Variants in MTCL1 observed in about 807,000 individuals in gnomAD.
The protein encoded by MTCL1 is microtubule cross-linking factor 1.
MTCL1 carries 79 observed loss-of-function variants against 141.4 expected under a neutral mutation model. The observed-to-expected ratio is 0.56, with a 90% CI of 0.47 to 0.67. The LOEUF is 0.67. Among genes scored for constraint, MTCL1 ranks in the 30% least tolerant of loss-of-function variants. The pLI, the probability that MTCL1 is intolerant of heterozygous loss-of-function variation, is 0.00. For missense variants in MTCL1, 2,177 were observed against 2,113.9 expected (o/e 1.03, Z -0.59); for synonymous variants, 914 against 875.8 (o/e 1.04, Z -0.77).
intron 4 of MTCL1, among the ~76,000 whole-genome samples, chr18:8,771,984 A>G (rs1330311437): frequency 6.6e-6 from 1 of 152,360 alleles, no homozygotes; most frequent in Admixed American, 6.5e-5. Flanking sequence ...GGGCATGACT[A>G]ATGTACACGC....
chr18:8,762,861 G>A (rs1425856701), intron 4 of MTCL1, among the ~76,000 whole-genome samples: 2 of 152,198 alleles, frequency 1.3e-5, no homozygotes, highest in African/African-American at 2.4e-5. Flanking sequence ...ACGGGGAAAG[G>A]GGCGAGTGTG....
rs777997648 is a variant in MTCL1, at chr18:8,792,992, G to A, written c.1888-6G>A. Reference sequence around the variant, plus strand: ...ACTAAACCCCTTCCTTTATCCCACCGATCAGCTCAGGGGCCCCCCCGTTTT... The same window carrying A: ...ACTAAACCCCTTCCTTTATCCCACCAATCAGCTCAGGGGCCCCCCCGTTTT... On this transcript the variant is annotated splice_polypyrimidine_tract_variant and splice_region_variant and intron_variant, in intron 7 of 16. Transcript: ENST00000359865. 20 of 1,613,398 alleles carry A rather than the reference G, an allele frequency of 1.2e-5. No individual in the cohort carries two copies. Among genetic ancestry groups the A allele is most frequent in the East Asian group, 2.2e-5 (1 of 44,872 alleles).
intron 4 of MTCL1, among the ~76,000 whole-genome samples, chr18:8,771,548 T>A (rs1423413305): frequency 6.6e-6 from 1 of 152,214 alleles, no homozygotes; most frequent in African/African-American, 2.4e-5. Context: ...CTAAATTTTT[T>A]AAAAATTTAG....
upstream of MTCL1, among the ~76,000 whole-genome samples, chr18:8,716,569 A>ATTTTTTTTTT (rs138840096): frequency 9.6e-6 from 1 of 103,866 alleles, no homozygotes. Context: ...CTTTTTGTTC[A>ATTTTTTTTTT]TTTTTTTTTT....
exon 6 of MTCL1, chr18:8,784,444 C>T: frequency 6.5e-7 from 1 of 1,532,420 alleles, no homozygotes; most frequent in East Asian, 2.3e-5. Flanking sequence ...CCACGGAGCT[C>T]CTGAAGGCCC....
intron 10 of MTCL1, 120 bp from the exon 10 acceptor site, chr18:8,806,773 C>CCCAGCCA: frequency 1.1e-6 from 1 of 934,518 alleles, no homozygotes; most frequent in Non-Finnish European, 1.6e-6. Context: ...ACCCTGCACC[C>CCCAGCCA]ACTGCCAACA....
At chr18:8,706,039 C>T (rs2096057549) in exon 1 of MTCL1, 3 of 1,182,598 alleles carry the variant, frequency 2.5e-6, no homozygotes, top group Non-Finnish European at 3.1e-6. Flanking sequence ...CAAGGCTGCC[C>T]TGGGAAGCAG....
At chr18:8,777,484 A>G (rs1337465612) in intron 4 of MTCL1, among the ~76,000 whole-genome samples, 1 of 152,162 alleles carries the variant, frequency 6.6e-6, no homozygotes, top group Non-Finnish European at 1.5e-5. Context: ...CTGTTTCCCA[A>G]ACTTCCTGCC....
At chr18:8,738,732 G>C (rs1287839716) in intron 4 of MTCL1, among the ~76,000 whole-genome samples, 1 of 152,186 alleles carries the variant, frequency 6.6e-6, no homozygotes, top group Non-Finnish European at 1.5e-5. Flanking sequence ...TGCTTTGAGA[G>C]TGGATAGGGA....
chr18:8,767,821 A>T (rs146203166), intron 4 of MTCL1, among the ~76,000 whole-genome samples: 1 of 152,200 alleles, frequency 6.6e-6, no homozygotes, highest in Non-Finnish European at 1.5e-5. Flanking sequence ...ACAAAAACAT[A>T]AAGTCATCCA....
At chr18:8,785,367 A>T (rs1308486654) in intron 6 of MTCL1, among the ~76,000 whole-genome samples, 7 of 152,200 alleles carry the variant, frequency 4.6e-5, no homozygotes, top group Non-Finnish European at 1.0e-4. Context: ...CTGGAGGATC[A>T]GCCAAAGCGG....
intron 4 of MTCL1, among the ~76,000 whole-genome samples, chr18:8,735,075 G>A (rs2148884381): frequency 6.6e-6 from 1 of 152,290 alleles, no homozygotes; most frequent in East Asian, 1.9e-4. Flanking sequence ...CCCCAATTTA[G>A]CTAGGATATA....
At chr18:8,708,869 C>G (rs1305358482) in intron 1 of MTCL1, among the ~76,000 whole-genome samples, 2 of 152,182 alleles carry the variant, frequency 1.3e-5, no homozygotes, top group African/African-American at 4.8e-5. Flanking sequence ...AGGCCACCTC[C>G]CCACTGTTCC....
At chr18:8,824,702 G>C (rs746945965) in exon 15 of MTCL1, 206 of 1,608,904 alleles carry the variant, frequency 1.3e-4, no homozygotes, top group Non-Finnish European at 1.7e-4. Flanking sequence ...TTCCCAGGGC[G>C]GTGTCCGTGT....
At chr18:8,715,141 C>CA (rs1295551826), upstream of MTCL1, among the ~76,000 whole-genome samples, 12 of 152,098 alleles carry the variant, frequency 7.9e-5, no homozygotes, top group South Asian at 8.3e-4. Flanking sequence ...TTATTTGTGC[C>CA]AAAAAATATT....
At chr18:8,761,020 A>G (rs1406661894) in intron 4 of MTCL1, among the ~76,000 whole-genome samples, 2 of 152,290 alleles carry the variant, frequency 1.3e-5, no homozygotes, top group South Asian at 2.1e-4. Flanking sequence ...ATTTTTTTAA[A>G]AAGTAAGGTC....
upstream of MTCL1, among the ~76,000 whole-genome samples, chr18:8,712,458 G>A (rs1399348194): frequency 2.6e-5 from 4 of 152,208 alleles, no homozygotes; most frequent in Admixed American, 2.0e-4. Flanking sequence ...GGGTGGAGGG[G>A]CACTTGGAGA....
intron 4 of MTCL1, among the ~76,000 whole-genome samples, chr18:8,744,534 A>G (rs1454781277): frequency 6.6e-6 from 1 of 152,056 alleles, no homozygotes; most frequent in Non-Finnish European, 1.5e-5. Context: ...TTCATTTCTC[A>G]CCCTGCTTCC....
chr18:8,786,091 G>C, exon 7 of MTCL1: 1 of 1,554,162 alleles, frequency 6.4e-7, no homozygotes, highest in Non-Finnish European at 8.7e-7. Flanking sequence ...TCAGCCTGGA[G>C]GTCAGCGTGG....
Sources: allele counts gnomAD v4.1 joint callset (sites outside exome capture counted in the v4.1 genomes callset), GRCh38; gene constraint gnomAD v4.1.1; transcripts MANE v1.5; gene names NCBI Gene and HGNC (gene_info 2026-07-23, HGNC 2026-07-21).